Variants in MTHFD1L observed in about 807,000 individuals in gnomAD.
MTHFD1L encodes monofunctional C1-tetrahydrofolate synthase, mitochondrial.
Under a neutral mutation model 119.5 loss-of-function variants are expected in MTHFD1L, and 81 were observed. The observed-to-expected ratio is 0.68, with a 90% CI of 0.57 to 0.82. The LOEUF (loss-of-function observed/expected upper bound fraction) is 0.82, where lower values mean the gene tolerates loss of function less well. Ranked by LOEUF, MTHFD1L falls within the 40% of genes least tolerant of loss-of-function variation. The probability of loss-of-function intolerance (pLI) is 0.00; values close to 1 mark genes in which losing one functional copy is unlikely to be tolerated. For missense variants in MTHFD1L, 1,125 were observed against 1,253.4 expected, an observed-to-expected ratio of 0.90 and a Z score of 1.55; for synonymous variants, 430 against 475.2, an observed-to-expected ratio of 0.90 and a Z score of 1.24.
chr6:151,015,385 G>A lies in MTHFD1L; in HGVS notation c.2409-131G>A, dbSNP rs753583704. ...CTTTAAGTCTGATTTATTTAAACAC[G>A]ATGTGACCACTTTTGATGTTTAAAA... On this transcript the variant is annotated intron_variant, in intron 23 of 27. Coordinates refer to ENST00000367321, the MANE Select transcript of MTHFD1L (RefSeq NM_015440.5). The A allele has an allele frequency of 1.9e-5, 19 of 1,016,398 alleles. 1 individual carries two copies. Among genetic ancestry groups the A allele is most frequent in the South Asian group, 3.6e-5 (2 of 55,590 alleles). 63.0% of individuals were successfully genotyped at this position (1,016,398 alleles called of 1,614,324 possible). A position where few individuals can be genotyped will look rare whatever the true frequency, so the allele number is the denominator to read the frequency against.
chr6:151,067,731 C>G, intron 26 of MTHFD1L, among the ~76,000 whole-genome samples: 1 of 152,238 alleles, frequency 6.6e-6, no homozygotes, highest in Non-Finnish European at 1.5e-5. Context: ...TATACAAATG[C>G]ATATCTCCTC....
intron 7 of MTHFD1L, 116 bp from the exon 8 acceptor site, chr6:150,905,534 C>G: frequency 5.6e-6 from 4 of 715,954 alleles, no homozygotes; most frequent in Non-Finnish European, 1.0e-5. Flanking sequence ...TCCTTGTCAG[C>G]AGCTTGGAAC....
intron 24 of MTHFD1L, among the ~76,000 whole-genome samples, chr6:151,021,146 CCT>C (rs1783888526): frequency 6.6e-6 from 1 of 152,198 alleles, no homozygotes; most frequent in African/African-American, 2.4e-5. Flanking sequence ...ATCTCTCGAG[CCT>C]CAGCATCCTC....
intron 26 of MTHFD1L, among the ~76,000 whole-genome samples, chr6:151,069,714 T>G (rs1791745762): frequency 6.6e-6 from 1 of 152,172 alleles, no homozygotes; most frequent in Non-Finnish European, 1.5e-5. Context: ...GTGGGATCTC[T>G]CTGGTGACCC....
intron 26 of MTHFD1L, among the ~76,000 whole-genome samples, chr6:151,082,617 C>G (rs528505278): frequency 1.9e-4 from 29 of 151,832 alleles, no homozygotes; most frequent in Non-Finnish European, 2.9e-4. Context: ...CTATTTCTAT[C>G]TTAAATAATT....
chr6:150,996,416 G>C (rs547398233), intron 20 of MTHFD1L, among the ~76,000 whole-genome samples: 1 of 152,088 alleles, frequency 6.6e-6, no homozygotes, highest in East Asian at 1.9e-4. Flanking sequence ...TGATCTTACC[G>C]CCTTTACCTC....
At chr6:151,046,106 T>C (rs567541912) in intron 26 of MTHFD1L, among the ~76,000 whole-genome samples, 1 of 152,298 alleles carries the variant, frequency 6.6e-6, no homozygotes, top group East Asian at 1.9e-4. Flanking sequence ...TCTCCCCTAG[T>C]GTGATATGCA....
chr6:150,918,639 A>ATTC lies in MTHFD1L; in HGVS notation c.957_959dup (p.Leu321dup), dbSNP rs1788403637. ...TGGACTCATTGAGGAAGATGATGTG[A>ATTC]TTCTCCTTGCTGCAGCTCTGCGAAT... On this transcript the variant is annotated inframe_insertion, in exon 9 of 28. Transcript: ENST00000367321. The ATTC allele has an allele frequency of 6.2e-7, 1 of 1,613,952 alleles. No homozygotes were observed. The highest frequency in any genetic ancestry group is 1.3e-5 in the African/African-American group (1 of 74,896).
chr6:150,881,821 T>A (rs940397293), intron 4 of MTHFD1L, among the ~76,000 whole-genome samples: 1 of 152,220 alleles, frequency 6.6e-6, no homozygotes, highest in Non-Finnish European at 1.5e-5. Flanking sequence ...ATTTGTTGAA[T>A]GAATGAAAGA....
intron 20 of MTHFD1L, among the ~76,000 whole-genome samples, chr6:150,981,781 T>C (rs1777535223): frequency 6.6e-6 from 1 of 152,218 alleles, no homozygotes; most frequent in Admixed American, 6.5e-5. Flanking sequence ...TCTTCTGATA[T>C]TGTTGGCAAC....
At position 151,092,585 on chromosome 6, in the gene MTHFD1L, C is replaced by T; in HGVS notation, c.*29C>T. On this transcript the variant is annotated splice_region_variant and 3_prime_UTR_variant, in exon 27 of 28. Coordinates refer to ENST00000367321, the MANE Select transcript of MTHFD1L (RefSeq NM_015440.5). ...GACAAGGCTCTCACAGGACCCGATG[C>T]AGGTAGGCTGATGTGCTTCAACTTT... is the stretch of plus-strand genomic sequence containing the variant. 1 of 1,570,614 alleles carries T rather than the reference C, an allele frequency of 6.4e-7. No homozygotes were observed. Among genetic ancestry groups the T allele is most frequent in the African/African-American group, 1.4e-5 (1 of 73,694 alleles).
At chr6:150,931,083 T>G (rs2128921917) in intron 11 of MTHFD1L, among the ~76,000 whole-genome samples, 1 of 152,296 alleles carries the variant, frequency 6.6e-6, no homozygotes, top group Middle Eastern at 3.4e-3. Flanking sequence ...AGAACTTGAC[T>G]TGGAGTGCAG....
chr6:150,943,638 G>A (rs564309282), intron 13 of MTHFD1L, among the ~76,000 whole-genome samples: 7 of 152,188 alleles, frequency 4.6e-5, no homozygotes, highest in East Asian at 3.9e-4. Flanking sequence ...TGGTAGTAGC[G>A]TATATATCCA....
At chr6:150,938,558 T>A (rs1263517366) in intron 12 of MTHFD1L, 141 bp from the exon 13 acceptor site, 61 of 764,156 alleles carry the variant, frequency 8.0e-5, no homozygotes, top group Non-Finnish European at 1.2e-4. Context: ...TAACCATTAG[T>A]GTCTCTCACT....
intron 26 of MTHFD1L, among the ~76,000 whole-genome samples, chr6:151,043,258 C>CTTTTTTTTTTTTTTTTTTTTTTT (rs1170553631): frequency 1.3e-5 from 1 of 78,856 alleles, no homozygotes; most frequent in Non-Finnish European, 2.2e-5. Flanking sequence ...AGTGTTTTCT[C>CTTTTTTTTTTTTTTTTTTTTTTT]TTTTTTTTTT....
chr6:150,943,776 G>T (rs180737569), intron 13 of MTHFD1L, among the ~76,000 whole-genome samples: 1 of 152,116 alleles, frequency 6.6e-6, no homozygotes, highest in African/African-American at 2.4e-5. Flanking sequence ...AATGATAATC[G>T]AGTGTGCTCA....
At chr6:150,898,396 C>T (rs1478130842) in intron 7 of MTHFD1L, among the ~76,000 whole-genome samples, 1 of 152,180 alleles carries the variant, frequency 6.6e-6, no homozygotes, top group East Asian at 1.9e-4. Context: ...CTCAATTCCT[C>T]ACTTTTCAAA....
intron 17 of MTHFD1L, among the ~76,000 whole-genome samples, chr6:150,958,808 G>A (rs1277204219): frequency 6.6e-6 from 1 of 152,098 alleles, no homozygotes; most frequent in African/African-American, 2.4e-5. Flanking sequence ...CGCTATGCAC[G>A]TCATTTAGTC....
rs565257226 is a variant in MTHFD1L at position 150,901,021 on chromosome 6, A to G, written c.781-4629A>G. On this transcript the variant is annotated intron_variant, in intron 7 of 27. Transcript: ENST00000367321. ...CAGAGTGAGACTCGTCTCAAAAAAA[A>G]AAAAGAAAAGAAAAGAAAAAGTGCA... Among the ~76,000 whole-genome samples the G allele has an allele frequency of 2.4e-3, 362 of 150,488 alleles. 10 individuals are homozygous for G. In the South Asian group the frequency reaches 0.027, roughly 11 times the overall value.
Sources: gnomAD v4.1 joint callset for allele counts (sites outside exome capture counted in the v4.1 genomes callset) on GRCh38, gnomAD v4.1.1 for gene constraint, MANE v1.5 for transcripts, NCBI Gene and HGNC (gene_info 2026-07-23, HGNC 2026-07-21) for gene names.